SLC16A10: variants seen among roughly 807,000 people sequenced by gnomAD.
SLC16A10 encodes solute carrier family 16 member 10.
Under a neutral mutation model 40.0 loss-of-function variants are expected in SLC16A10, and 27 were observed. The ratio of observed to expected loss-of-function variants is 0.67; its 90% CI spans 0.50 to 0.93. The LOEUF (loss-of-function observed/expected upper bound fraction) is 0.93. SLC16A10 is among the 40% of genes least tolerant of loss of function. The pLI is 0.00. For synonymous variants in SLC16A10, 213 were observed against 249.8 expected, an observed-to-expected ratio of 0.85 and a Z score of 1.39; for missense variants, 529 against 658.2, an observed-to-expected ratio of 0.80 and a Z score of 2.15.
rs546214155 is a variant in SLC16A10, at chr6:111,151,073, A to G, written c.344-21622A>G. 2.0e-5 allele frequency among the ~76,000 whole-genome samples: 3 copies of G among 152,300 alleles called. No individual in the cohort carries two copies. The East Asian group carries it at 5.8e-4, about 29-fold the overall frequency. On this transcript the variant is annotated intron_variant, in intron 1 of 5. Coordinates refer to ENST00000368851, the MANE Select transcript of SLC16A10 (RefSeq NM_018593.5). ...TCTAGTAGCGTACATACTCAGCAAC[A>G]ATTAAAGGTAGTTTCTGGCTTGTTT... is the stretch of plus-strand genomic sequence containing the variant.
intron 1 of SLC16A10, among the ~76,000 whole-genome samples, chr6:111,134,410 T>G (rs897485420): frequency 2.6e-5 from 4 of 152,160 alleles, no homozygotes; most frequent in Non-Finnish European, 5.9e-5. Flanking sequence ...AGGAAAAGTT[T>G]ATCACTCAGT....
intron 1 of SLC16A10, among the ~76,000 whole-genome samples, chr6:111,125,105 A>C (rs976746055): frequency 1.3e-5 from 2 of 152,218 alleles, no homozygotes; most frequent in African/African-American, 2.4e-5. Flanking sequence ...AAATTTATTT[A>C]AACCCTGAAT....
chr6:111,169,346 A>G (rs182506980), intron 1 of SLC16A10, among the ~76,000 whole-genome samples: 23 of 152,364 alleles, frequency 1.5e-4, no homozygotes, highest in African/African-American at 4.6e-4. Context: ...ATCCAAGTCA[A>G]TGGTGCTATG....
chr6:111,131,840 A>G (rs1000434774), intron 1 of SLC16A10, among the ~76,000 whole-genome samples: 2 of 152,224 alleles, frequency 1.3e-5, no homozygotes, highest in Admixed American at 1.3e-4. Flanking sequence ...ACAGTCAGCC[A>G]TGCGTGCACC....
intron 4 of SLC16A10, among the ~76,000 whole-genome samples, chr6:111,217,452 G>GT (rs1562436675): frequency 6.8e-6 from 1 of 148,074 alleles, no homozygotes; most frequent in African/African-American, 2.5e-5. Flanking sequence ...TGTTGTTGTT[G>GT]TTGTTGTTGT....
chr6:111,182,729 G>T (rs1772824419), intron 3 of SLC16A10, among the ~76,000 whole-genome samples: 1 of 151,954 alleles, frequency 6.6e-6, no homozygotes, highest in South Asian at 2.1e-4. Flanking sequence ...AACTTACTCT[G>T]CCCCCAGCCA....
intron 4 of SLC16A10, among the ~76,000 whole-genome samples, chr6:111,216,878 C>A (rs1773434827): frequency 6.6e-6 from 1 of 152,172 alleles, no homozygotes; most frequent in South Asian, 2.1e-4. Flanking sequence ...GTCAGTGGAC[C>A]ACTTGTGTTA....
chr6:111,151,619 A>G (rs976725131), intron 1 of SLC16A10, among the ~76,000 whole-genome samples: 9 of 152,218 alleles, frequency 5.9e-5, no homozygotes, highest in African/African-American at 2.2e-4. Flanking sequence ...CCGTTTGATC[A>G]TGTAATTCCA....
intron 1 of SLC16A10, among the ~76,000 whole-genome samples, chr6:111,131,469 C>G (rs1157334185): frequency 6.6e-6 from 1 of 152,176 alleles, no homozygotes; most frequent in Admixed American, 6.5e-5. Flanking sequence ...ACAAGGACCC[C>G]CCGGTAACAT....
intron 1 of SLC16A10, among the ~76,000 whole-genome samples, chr6:111,115,050 T>C (rs2114465383): frequency 6.6e-6 from 1 of 152,152 alleles, no homozygotes; most frequent in South Asian, 2.1e-4. Context: ...AGTATTTAAT[T>C]GTATGTTCTT....
intron 1 of SLC16A10, among the ~76,000 whole-genome samples, chr6:111,089,922 T>G (rs1246134499): frequency 9.3e-6 from 1 of 108,022 alleles, no homozygotes; most frequent in Non-Finnish European, 1.9e-5. Context: ...TTTTTTTTTT[T>G]TTTTTTTTTT....
intron 1 of SLC16A10, among the ~76,000 whole-genome samples, chr6:111,093,730 G>A (rs1320493263): frequency 6.6e-6 from 1 of 152,112 alleles, no homozygotes; most frequent in Non-Finnish European, 1.5e-5. Context: ...AAATAATCTG[G>A]TTCATGGTCC....
intron 1 of SLC16A10, among the ~76,000 whole-genome samples, chr6:111,088,893 G>A (rs1489525871): frequency 6.6e-6 from 1 of 152,084 alleles, no homozygotes; most frequent in African/African-American, 2.4e-5. Flanking sequence ...CCTTCTGCAT[G>A]ACACTTTAAC....
intron 1 of SLC16A10, among the ~76,000 whole-genome samples, chr6:111,155,382 T>C (rs895575167): frequency 6.6e-6 from 1 of 151,684 alleles, no homozygotes; most frequent in Non-Finnish European, 1.5e-5. Flanking sequence ...TTTTTTTCTG[T>C]AGAGACAGGG....
chr6:111,107,919 A>G (rs929030245), intron 1 of SLC16A10, among the ~76,000 whole-genome samples: 1 of 152,232 alleles, frequency 6.6e-6, no homozygotes, highest in Admixed American at 6.5e-5. Flanking sequence ...AAGCTTTACC[A>G]GAGAGTCCTT....
At chr6:111,218,707 G>C (rs531063254) in intron 4 of SLC16A10, 107 bp from the exon 5 acceptor site, 1 of 852,980 alleles carries the variant, frequency 1.2e-6, no homozygotes, top group Non-Finnish European at 1.9e-6. Context: ...GCAGTGGCAG[G>C]GGGGAAAGGG....
intron 1 of SLC16A10, among the ~76,000 whole-genome samples, chr6:111,117,084 GT>G (rs1419788522): frequency 1.3e-5 from 2 of 151,880 alleles, no homozygotes; most frequent in African/African-American, 2.4e-5. Flanking sequence ...GGTGTGGTGG[GT>G]CATGCCTGTA....
chr6:111,150,174 A>C (rs1201801642), intron 1 of SLC16A10, among the ~76,000 whole-genome samples: 1 of 152,220 alleles, frequency 6.6e-6, no homozygotes, highest in Non-Finnish European at 1.5e-5. Flanking sequence ...CCGTTGTTGC[A>C]GTAGTGGGTT....
chr6:111,152,373 G>A (rs993378533), intron 1 of SLC16A10, among the ~76,000 whole-genome samples: 2 of 152,174 alleles, frequency 1.3e-5, no homozygotes, highest in Admixed American at 1.3e-4. Flanking sequence ...AATAGTGCTG[G>A]CACATATAGA....
Sources: allele counts gnomAD v4.1 joint callset (sites outside exome capture counted in the v4.1 genomes callset), GRCh38; gene constraint gnomAD v4.1.1; transcripts MANE v1.5; gene names NCBI Gene and HGNC (gene_info 2026-07-23, HGNC 2026-07-21).